The following DNM2 variants were observed in gnomAD, a reference collection of about 807,000 sequenced individuals.
DNM2 encodes dynamin-2.
In DNM2, 15 loss-of-function variants were observed where a neutral mutation model predicts 99.0. The observed-to-expected ratio is 0.15, with a 90% CI of 0.10 to 0.23. The LOEUF is 0.23. Ranked by LOEUF, DNM2 falls within the 10% of genes least tolerant of loss-of-function variation. DNM2 has a pLI of 1.00. For synonymous variants in DNM2, 525 were observed against 481.2 expected (o/e 1.09, Z -1.19); for missense variants, 742 against 1,189.4 (o/e 0.62, Z 5.53).
chr19:10,759,766 G>T lies in DNM2; in HGVS notation c.190G>T (p.Val64Phe). 6.2e-7 allele frequency: 1 copy of T among 1,614,102 alleles called. No homozygotes were observed. The highest frequency in any genetic ancestry group is 8.5e-7 in the Non-Finnish European group (1 of 1,180,030). The change falls in exon 2 of 21, where the codon GTC becomes TTC. Residue 64 changes from valine to phenylalanine, a missense_variant. Transcript: ENST00000389253. Reference sequence around the variant, plus strand: ...CTTCCTTCCCCGCGGTTCAGGAATCGTCACCCGGCGGCCTCTCATTCTGCA... The same window carrying T: ...CTTCCTTCCCCGCGGTTCAGGAATCTTCACCCGGCGGCCTCTCATTCTGCA... Reference protein sequence around the residue: ...RDFLPRGSGIVTRRPLILQLI... With the variant: ...RDFLPRGSGIFTRRPLILQLI...
At chr19:10,732,978 G>A (rs1399384290) in intron 1 of DNM2, among the ~76,000 whole-genome samples, 1 of 151,824 alleles carries the variant, frequency 6.6e-6, no homozygotes, top group African/African-American at 2.4e-5. Context: ...CCGCCTCCCA[G>A]GTTCAAGCGA....
At position 10,793,707 on chromosome 19, in the gene DNM2, C is replaced by G; in HGVS notation, c.993-13C>G. 1 of 1,614,128 alleles carries G rather than the reference C, an allele frequency of 6.2e-7. No individual in the cohort carries two copies. The highest frequency in any genetic ancestry group is 1.3e-5 in the African/African-American group (1 of 75,042). On this transcript the variant is annotated splice_polypyrimidine_tract_variant and intron_variant, in intron 7 of 20. Coordinates refer to ENST00000389253, the MANE Select transcript of DNM2 (RefSeq NM_001005361.3). The stretch of plus-strand genomic sequence containing the variant: ...CCTCCGTTTTGATGCTTGCTTTTTC[C>G]TTTTCCTCATAGGATGGTCCAGCAG...
At chr19:10,814,222 T>G (rs954011652) in intron 15 of DNM2, among the ~76,000 whole-genome samples, 2 of 151,788 alleles carry the variant, frequency 1.3e-5, no homozygotes, top group Non-Finnish European at 2.9e-5. Context: ...CCCAGCACTT[T>G]GGGAGGCCAA....
At chr19:10,730,886 A>G (rs1030017191) in intron 1 of DNM2, among the ~76,000 whole-genome samples, 5 of 152,004 alleles carry the variant, frequency 3.3e-5, no homozygotes, top group African/African-American at 9.7e-5. Context: ...GTTACAAGAG[A>G]CCTCCTTTGG....
chr19:10,756,771 C>T (rs1035526874), intron 1 of DNM2, among the ~76,000 whole-genome samples: 6 of 152,158 alleles, frequency 3.9e-5, no homozygotes, highest in East Asian at 1.9e-4. Context: ...CTTCTCTATC[C>T]GGCCTGCCCT....
chr19:10,772,078 T>TATTTG lies in DNM2; in HGVS notation c.236-397_236-396insGATTT, dbSNP rs1555705319. Among the ~76,000 whole-genome samples, 2 of 151,052 alleles carry TATTTG rather than the reference T, an allele frequency of 1.3e-5. No individual in the cohort carries two copies. Among genetic ancestry groups the TATTTG allele is most frequent in the African/African-American group, 4.9e-5 (2 of 40,990 alleles). Reference sequence around the variant, plus strand: ...TTTTTTATTTTATTTTATTTTATTTTATTTATTTTTTTATTTTTTTGAGAT... The same window carrying TATTTG: ...TTTTTTATTTTATTTTATTTTATTTTATTTGATTTATTTTTTTATTTTTTTGAGAT... On this transcript the variant is annotated intron_variant, in intron 2 of 20. Transcript: ENST00000389253. The surrounding 1 kb of genome is among the most constrained non-coding windows in gnomAD (Gnocchi z 4.9).
At chr19:10,793,911 C>G in intron 8 of DNM2, 56 bp downstream of exon 8, 1 of 1,613,492 alleles carries the variant, frequency 6.2e-7, no homozygotes, top group Non-Finnish European at 8.5e-7. Flanking sequence ...CTCCTGCTGG[C>G]CTCAAGCCAG....
intron 6 of DNM2, among the ~76,000 whole-genome samples, chr19:10,783,365 G>C (rs897556314): frequency 6.6e-6 from 1 of 152,208 alleles, no homozygotes; most frequent in African/African-American, 2.4e-5. Context: ...TACTCAGGAG[G>C]CTGAGGCAGG....
intron 4 of DNM2, among the ~76,000 whole-genome samples, chr19:10,776,551 C>T (rs149327288): frequency 2.6e-5 from 4 of 152,308 alleles, no homozygotes; most frequent in East Asian, 1.9e-4. Context: ...ATAACACACA[C>T]GGTTAGCACA....
chr19:10,819,699 C>A, intron 15 of DNM2, among the ~76,000 whole-genome samples: 1 of 152,068 alleles, frequency 6.6e-6, no homozygotes, highest in East Asian at 1.9e-4. Context: ...AGAGTTAGGG[C>A]AGGAGGGAGC....
chr19:10,732,930 C>G (rs931275629), intron 1 of DNM2, among the ~76,000 whole-genome samples: 3 of 151,804 alleles, frequency 2.0e-5, no homozygotes, highest in African/African-American at 7.3e-5. Context: ...GTTCCCCAGG[C>G]TGGAGTGCAA....
Position 10,798,341 on chromosome 19 carries a change from T to C in DNM2, c.1336-145T>C, listed in dbSNP as rs1002859322. On this transcript the variant is annotated intron_variant, in intron 10 of 20. Coordinates refer to ENST00000389253, the MANE Select transcript of DNM2 (RefSeq NM_001005361.3). ...GCTCTTAGCTCCCAGCTGGACTCACTGGGGGCCAGGAGCAAGGTGTGGGCT... is the reference window on the plus strand; with the variant it reads ...GCTCTTAGCTCCCAGCTGGACTCACCGGGGGCCAGGAGCAAGGTGTGGGCT... 8 of 685,366 alleles carry C rather than the reference T, an allele frequency of 1.2e-5. No individual in the cohort carries two copies. In the African/African-American group the frequency reaches 1.2e-4, roughly 11 times the overall value. 42.5% of individuals were successfully genotyped at this position (685,366 alleles called of 1,614,324 possible).
At chr19:10,826,556 C>G (rs1320744342) in intron 18 of DNM2, among the ~76,000 whole-genome samples, 4 of 152,168 alleles carry the variant, frequency 2.6e-5, no homozygotes, top group African/African-American at 9.7e-5. Context: ...GTGTATCAGG[C>G]CTTTGGCATG....
intron 6 of DNM2, chr19:10,786,307 GATAGGCCCAGTGCCTGAT>G: frequency 1.8e-6 from 1 of 567,188 alleles, no homozygotes. Flanking sequence ...CCAAGGCGTG[GATAGGCCCAGTGCCTGAT>G]GTCGGCCCCG....
At chr19:10,751,739 T>C (rs899380161) in intron 1 of DNM2, among the ~76,000 whole-genome samples, 3 of 152,258 alleles carry the variant, frequency 2.0e-5, no homozygotes, top group African/African-American at 4.8e-5. Context: ...TGCCCTGCCC[T>C]GTCCTCAAAC....
intron 7 of DNM2, among the ~76,000 whole-genome samples, chr19:10,787,263 G>A (rs543075922): frequency 6.6e-6 from 1 of 151,854 alleles, no homozygotes; most frequent in Non-Finnish European, 1.5e-5. Context: ...TCAGGAGATC[G>A]AGACCATCCT....
intron 14 of DNM2, chr19:10,808,849 G>A (rs895729279): frequency 4.7e-5 from 21 of 451,424 alleles, no homozygotes; most frequent in Middle Eastern, 6.2e-4. Context: ...TTTCCTGTAG[G>A]TCAGGGATGG....
At chr19:10,741,551 C>CT (rs561257287) in intron 1 of DNM2, among the ~76,000 whole-genome samples, 4,833 of 135,054 alleles carry the variant, frequency 0.036, 87 homozygotes, top group Middle Eastern at 0.096. Flanking sequence ...ATATTTCTTT[C>CT]TTTTTTTTTT....
chr19:10,737,345 G>C (rs2069566879), intron 1 of DNM2, among the ~76,000 whole-genome samples: 1 of 151,922 alleles, frequency 6.6e-6, no homozygotes, highest in South Asian at 2.1e-4. Context: ...TAAGGCCTCT[G>C]CTTAAAAGCC....
Sources: gnomAD v4.1 joint callset for allele counts (sites outside exome capture counted in the v4.1 genomes callset) on GRCh38, gnomAD v4.1.1 for gene constraint, Gnocchi (gnomAD v3.1) non-coding constraint, MANE v1.5 for transcripts, NCBI Gene and HGNC (gene_info 2026-07-23, HGNC 2026-07-21) for gene names.